The following RIF1 variants were observed in gnomAD, a reference collection of about 807,000 sequenced individuals.
RIF1 encodes the protein telomere-associated protein RIF1.
RIF1 carries 45 observed loss-of-function variants against 247.1 expected under a neutral mutation model. That is an observed-to-expected ratio of 0.18 (90% CI 0.14 to 0.23). The LOEUF is 0.23. RIF1 is among the 10% of genes least tolerant of loss of function. RIF1 has a pLI of 1.00. For synonymous variants in RIF1, 1,087 were observed against 978.8 expected (o/e 1.11, Z -2.06); for missense variants, 2,967 against 2,862.5 (o/e 1.04, Z -0.83).
At chr2:151,449,234 A>G (rs1176920828) in intron 20 of RIF1, among the ~76,000 whole-genome samples, 1 of 152,170 alleles carries the variant, frequency 6.6e-6, no homozygotes, top group Non-Finnish European at 1.5e-5. Context: ...CTTCTTGGTT[A>G]CAGTGCTATT....
chr2:151,505,716 C>G (rs960360709), intron 12 of RIF1: 1 of 673,810 alleles, frequency 1.5e-6, no homozygotes, highest in African/African-American at 1.8e-5. Context: ...TGAATGGGAC[C>G]TCATTCTGAT....
intron 3 of RIF1, among the ~76,000 whole-genome samples, chr2:151,413,800 T>C (rs1686707076): frequency 6.6e-6 from 1 of 152,222 alleles, no homozygotes; most frequent in Non-Finnish European, 1.5e-5. Context: ...TTTAACCATT[T>C]ACATTTGCTA....
intron 10 of RIF1, among the ~76,000 whole-genome samples, chr2:151,435,161 A>G (rs947255290): frequency 6.6e-6 from 1 of 152,220 alleles, no homozygotes; most frequent in African/African-American, 2.4e-5. Context: ...GATGTTAGAA[A>G]TGAGCTTTGT....
intron 9 of RIF1, 115 bp downstream of exon 9, chr2:151,429,037 TATTTTC>T: frequency 1.6e-6 from 1 of 642,732 alleles, no homozygotes; most frequent in Non-Finnish European, 2.6e-6. Context: ...ACTACTGAAT[TATTTTC>T]ATTTTAAGGG....
intron 8 of RIF1, among the ~76,000 whole-genome samples, chr2:151,427,653 G>A (rs930434789): frequency 4.0e-5 from 6 of 151,490 alleles, no homozygotes; most frequent in African/African-American, 1.5e-4. Flanking sequence ...AGCTGTGGTT[G>A]CTCATGTCTG....
In RIF1 at chr2:151,496,412, TTTC is replaced by T. The variant is rs1216419569; in HGVS notation, c.*513+1087_*513+1089del. On this transcript the variant is annotated intron_variant and NMD_transcript_variant, in intron 10 of 13. Coordinates refer to the RIF1 transcript ENST00000454583. ...TCCAGAAAAACAACCATGAGTAACA[TTTC>T]ATTTGTTGAGAGGTTTTAAGGGTAA... The T allele has an allele frequency of 4.5e-6, 7 of 1,562,842 alleles. No individual in the cohort carries two copies. In the African/African-American group the frequency reaches 8.1e-5, roughly 18 times the overall value.
At chr2:151,462,829 T>G in intron 29 of RIF1, 55 bp from the exon 30 acceptor site, 2 of 1,333,824 alleles carry the variant, frequency 1.5e-6, no homozygotes, top group South Asian at 1.5e-5. Context: ...AAAGTCAAAC[T>G]CGTTTGCTGG....
Position 151,476,295 on chromosome 2 carries a change from C to G in RIF1, c.*1224C>G, listed in dbSNP as rs1286694422. Reference sequence around the variant, plus strand: ...TGAAACTGATGTTTTTAATATATGTCTGTGTTGCCTAGGTTTTCTTTTTTT... The same window carrying G: ...TGAAACTGATGTTTTTAATATATGTGTGTGTTGCCTAGGTTTTCTTTTTTT... On this transcript the variant is annotated 3_prime_UTR_variant, in exon 36 of 36. Coordinates refer to ENST00000444746, the MANE Select transcript of RIF1 (RefSeq NM_018151.5). 4.6e-5 allele frequency: 7 copies of G among 152,248 alleles called. No individual in the cohort carries two copies. The South Asian group carries it at 8.3e-4, about 18-fold the overall frequency. 9.4% of individuals were successfully genotyped at this position (152,248 alleles called of 1,614,324 possible). A position where few individuals can be genotyped will look rare whatever the true frequency, so the allele number is the denominator to read the frequency against.
chr2:151,463,430 C>T lies in RIF1; in HGVS notation c.3910C>T (p.Pro1304Ser), dbSNP rs147204768. 7.1e-5 allele frequency: 114 copies of T among 1,613,842 alleles called. No individual in the cohort carries two copies. Among genetic ancestry groups the T allele is most frequent in the Non-Finnish European group, 9.2e-5 (108 of 1,179,954 alleles). ...ACAAACAGGGAATAAAAGGTCTAAGCCCTTAATGAGATCTGAGCCGGAGAA... is the reference window on the plus strand; with the variant it reads ...ACAAACAGGGAATAAAAGGTCTAAGTCCTTAATGAGATCTGAGCCGGAGAA... ...AEQTGNKRSKPLMRSEPEKNT... is the reference protein window; with the variant it reads ...AEQTGNKRSKSLMRSEPEKNT... The change falls in exon 30 of 36, where the codon CCC (proline) becomes TCC (serine). Residue 1304 changes from proline (P) to serine (S), a missense_variant. By Grantham distance (74) the Pro-to-Ser change is moderately conservative (BLOSUM62 -1). Coordinates refer to ENST00000444746, the MANE Select transcript of RIF1 (RefSeq NM_018151.5).
At chr2:151,501,446 A>G (rs1175779008) in intron 11 of RIF1, 3 of 1,542,246 alleles carry the variant, frequency 1.9e-6, no homozygotes, top group African/African-American at 2.7e-5. Flanking sequence ...AGTGACAGGT[A>G]GGGGAGTCCC....
intron 9 of RIF1, chr2:151,494,120 T>A: frequency 6.6e-7 from 1 of 1,519,090 alleles, no homozygotes; most frequent in South Asian, 1.2e-5. Flanking sequence ...GCAAGAGTTA[T>A]TTTGCAAAAT....
chr2:151,513,555 A>G, the RIF1 span: 5 of 1,519,560 alleles, frequency 3.3e-6, no homozygotes, highest in Non-Finnish European at 4.5e-6. Context: ...TTCCTGAAAG[A>G]TTGACATCGA....
chr2:151,501,425 T>A lies in RIF1; in HGVS notation c.*710-1609T>A, dbSNP rs1312647029. On this transcript the variant is annotated intron_variant and NMD_transcript_variant, in intron 11 of 13. Transcript: ENST00000454583. ...GTTTTCTTGATTGAGTTTGACTCGC[T>A]CCATCTCAGGAGTGACAGGTAGGGG... 4.5e-6 allele frequency: 7 copies of A among 1,549,288 alleles called. No homozygotes were observed. The highest frequency in any genetic ancestry group is 6.1e-6 in the Non-Finnish European group (7 of 1,145,546).
intron 10 of RIF1, chr2:151,497,386 A>G: frequency 1.0e-6 from 1 of 980,180 alleles, no homozygotes; most frequent in Non-Finnish European, 1.2e-6. Flanking sequence ...TGAAAAACTC[A>G]TTATTTTAAA....
At chr2:151,502,387 TA>T (rs34816284) in intron 11 of RIF1, among the ~76,000 whole-genome samples, 86,223 of 145,426 alleles carry the variant, frequency 0.59, 25,265 homozygotes, top group Admixed American at 0.69. Context: ...CATCTAAACA[TA>T]AAAAAAAAAA....
intron 9 of RIF1, chr2:151,492,435 AT>A (rs770428010): frequency 6.2e-7 from 1 of 1,612,384 alleles, no homozygotes; most frequent in East Asian, 2.2e-5. Flanking sequence ...TCTCGGGGGT[AT>A]CCAATACATA....
At chr2:151,506,609 CAAAAGAAATCACAATGTCA>C (rs572490312) in intron 13 of RIF1, among the ~76,000 whole-genome samples, 1 of 152,214 alleles carries the variant, frequency 6.6e-6, no homozygotes, top group Non-Finnish European at 1.5e-5. Context: ...GGAGGGATAA[CAAAAGAAATCACAATGTCA>C]AAAAGAAATC....
At chr2:151,497,336 T>G (rs941311450) in intron 10 of RIF1, 7 of 982,428 alleles carry the variant, frequency 7.1e-6, no homozygotes, top group Non-Finnish European at 8.5e-6. Flanking sequence ...TATATGAGGA[T>G]TTGAGACAGT....
chr2:151,511,603 C>G (rs1446223042), downstream of RIF1, among the ~76,000 whole-genome samples: 3 of 152,218 alleles, frequency 2.0e-5, no homozygotes, highest in Non-Finnish European at 4.4e-5. Flanking sequence ...GGCTTTGGAA[C>G]TCATTGATCA....
Sources: gnomAD v4.1 joint callset for allele counts (sites outside exome capture counted in the v4.1 genomes callset) on GRCh38, gnomAD v4.1.1 for gene constraint, MANE v1.5 for transcripts, NCBI Gene and HGNC (gene_info 2026-07-23, HGNC 2026-07-21) for gene names.